Variants in FHIT observed in about 807,000 individuals in gnomAD.
FHIT encodes the protein bis(5'-adenosyl)-triphosphatase.
Under a neutral mutation model 17.9 loss-of-function variants are expected in FHIT, and 19 were observed. The ratio of observed to expected loss-of-function variants is 1.06; its 90% CI spans 0.74 to 1.56. The LOEUF (loss-of-function observed/expected upper bound fraction) is 1.56. FHIT is among the 40% of genes most tolerant of loss of function. The pLI, the probability that FHIT is intolerant of heterozygous loss-of-function variation, is 0.00. For synonymous variants in FHIT, 81 were observed against 69.7 expected (o/e 1.16, Z -0.81); for missense variants, 248 against 189.2 (o/e 1.31, Z -1.82).
intron 1 of FHIT, among the ~76,000 whole-genome samples, chr3:61,233,446 T>G (rs945043163): frequency 4.6e-5 from 7 of 152,214 alleles, no homozygotes; most frequent in African/African-American, 1.7e-4. Context: ...TCATAGTATA[T>G]TTTTTAAATC....
intron 8 of FHIT, among the ~76,000 whole-genome samples, chr3:59,862,761 A>G (rs972075146): frequency 3.9e-5 from 6 of 152,198 alleles, no homozygotes; most frequent in African/African-American, 9.6e-5. Flanking sequence ...GTTATTAAAC[A>G]TGTGATTGCT....
chr3:60,007,496 T>C (rs802779), intron 7 of FHIT, among the ~76,000 whole-genome samples: 18,396 of 152,170 alleles, frequency 0.12, 1,359 homozygotes, highest in African/African-American at 0.2. Context: ...ATTATCATCA[T>C]CATTCTCTTC....
intron 3 of FHIT, among the ~76,000 whole-genome samples, chr3:60,933,607 T>A (rs1202659095): frequency 6.6e-6 from 1 of 152,192 alleles, no homozygotes; most frequent in Non-Finnish European, 1.5e-5. Context: ...CTTCACTTTC[T>A]TATTATTTTT....
At chr3:61,249,706 A>G (rs2040567034) in intron 1 of FHIT, among the ~76,000 whole-genome samples, 1 of 152,178 alleles carries the variant, frequency 6.6e-6, no homozygotes, top group East Asian at 1.9e-4. Context: ...ATTATAACAC[A>G]TATATTTTAT....
chr3:60,648,569 T>G (rs1448263027), intron 4 of FHIT, among the ~76,000 whole-genome samples: 1 of 152,060 alleles, frequency 6.6e-6, no homozygotes, highest in Non-Finnish European at 1.5e-5. Context: ...AAACACCACA[T>G]GCCAGGTAAA....
intron 7 of FHIT, among the ~76,000 whole-genome samples, chr3:59,969,822 C>A (rs1425427403): frequency 6.6e-6 from 1 of 152,048 alleles, no homozygotes; most frequent in African/African-American, 2.4e-5. Flanking sequence ...ACAAAACTTA[C>A]TGTATGTCTG....
chr3:61,072,492 G>A (rs2034837058), intron 2 of FHIT, among the ~76,000 whole-genome samples: 1 of 152,174 alleles, frequency 6.6e-6, no homozygotes, highest in East Asian at 1.9e-4. Flanking sequence ...CCAGAAGGAT[G>A]AGTATTCATT....
intron 4 of FHIT, among the ~76,000 whole-genome samples, chr3:60,768,840 T>C (rs782090757): frequency 2.6e-5 from 4 of 152,208 alleles, no homozygotes; most frequent in Non-Finnish European, 5.9e-5. Context: ...CTGATTAATA[T>C]ACCAATCCTG....
At chr3:60,660,729 C>CTTTTTTTTTTTTTTTTTTTTCT (rs2040224398) in intron 4 of FHIT, among the ~76,000 whole-genome samples, 1 of 37,278 alleles carries the variant, frequency 2.7e-5, no homozygotes, top group Non-Finnish European at 5.5e-5. Context: ...TTATTGTGCT[C>CTTTTTTTTTTTTTTTTTTTTCT]TTTTTTTTTT....
intron 7 of FHIT, among the ~76,000 whole-genome samples, chr3:59,950,042 A>G (rs1239543693): frequency 6.6e-6 from 1 of 152,162 alleles, no homozygotes; most frequent in African/African-American, 2.4e-5. Context: ...ATAGGGGTCA[A>G]TTCTAGCCCT....
chr3:61,040,730 C>T (rs2033466699), intron 3 of FHIT, among the ~76,000 whole-genome samples: 1 of 152,164 alleles, frequency 6.6e-6, no homozygotes. Flanking sequence ...TGGGTATATG[C>T]TAGCAGAAGA....
At chr3:61,061,801 G>A (rs1421936972) in intron 2 of FHIT, among the ~76,000 whole-genome samples, 1 of 152,058 alleles carries the variant, frequency 6.6e-6, no homozygotes, top group Non-Finnish European at 1.5e-5. Flanking sequence ...ATGTATAAAA[G>A]CATATAAATC....
intron 5 of FHIT, among the ~76,000 whole-genome samples, chr3:60,107,167 TTTTTTG>T (rs1260834728): frequency 1.1e-4 from 14 of 126,434 alleles, no homozygotes; most frequent in Middle Eastern, 3.5e-3. Flanking sequence ...TTTTTTTTTT[TTTTTTG>T]TACACAAAGG....
chr3:60,510,439 A>T (rs2034905984), intron 5 of FHIT, among the ~76,000 whole-genome samples: 1 of 152,116 alleles, frequency 6.6e-6, no homozygotes, highest in African/African-American at 2.4e-5. Context: ...TCTACATATC[A>T]TTTCTAGGCC....
chr3:61,190,953 G>T (rs968258653), intron 2 of FHIT, among the ~76,000 whole-genome samples: 7 of 150,496 alleles, frequency 4.7e-5, no homozygotes, highest in Admixed American at 6.6e-5. Context: ...AGGGAAGAGG[G>T]ATAGCATTAG....
intron 4 of FHIT, among the ~76,000 whole-genome samples, chr3:60,566,745 G>A (rs536955582): frequency 3.9e-5 from 6 of 152,054 alleles, no homozygotes; most frequent in South Asian, 2.1e-4. Context: ...TAAGCTGATA[G>A]GCAACTTCAG....
chr3:61,229,949 T>C (rs1351085096), intron 1 of FHIT, among the ~76,000 whole-genome samples: 1 of 152,144 alleles, frequency 6.6e-6, no homozygotes, highest in Non-Finnish European at 1.5e-5. Context: ...TAACCATTTC[T>C]CCTTGGTGCA....
At chr3:59,853,861 G>C (rs1416896747) in intron 8 of FHIT, among the ~76,000 whole-genome samples, 1 of 152,118 alleles carries the variant, frequency 6.6e-6, no homozygotes, top group African/African-American at 2.4e-5. Context: ...TAGAGTTCCT[G>C]TCATGAAGAC....
At chr3:59,889,623 C>T (rs1423145544) in intron 8 of FHIT, among the ~76,000 whole-genome samples, 1 of 152,196 alleles carries the variant, frequency 6.6e-6, no homozygotes, top group Non-Finnish European at 1.5e-5. Flanking sequence ...TAGGAGAAGA[C>T]ACTACAACGT....
Sources: gnomAD v4.1 joint callset for allele counts (sites outside exome capture counted in the v4.1 genomes callset) on GRCh38, gnomAD v4.1.1 for gene constraint, MANE v1.5 for transcripts, NCBI Gene and HGNC (gene_info 2026-07-23, HGNC 2026-07-21) for gene names.